EFCAB6: variants seen among roughly 807,000 people sequenced by gnomAD.
The protein encoded by EFCAB6 is EF-hand calcium binding domain 6.
In EFCAB6, 156 loss-of-function variants were observed where a neutral mutation model predicts 169.8. The observed-to-expected ratio is 0.92, with a 90% CI of 0.81 to 1.05. The LOEUF is 1.05. Among genes scored for constraint, EFCAB6 ranks in the 50% least tolerant of loss-of-function variants. EFCAB6 has a pLI of 0.00. For synonymous variants in EFCAB6, 698 were observed against 676.4 expected (o/e 1.03, Z -0.50); for missense variants, 1,800 against 1,829.1 (o/e 0.98, Z 0.29).
chr22:43,555,673 A>G (rs978071672), intron 26 of EFCAB6, among the ~76,000 whole-genome samples: 2 of 152,200 alleles, frequency 1.3e-5, no homozygotes, highest in Non-Finnish European at 2.9e-5. Flanking sequence ...GGCATCTGCT[A>G]AGGGTGACCT....
intron 23 of EFCAB6, among the ~76,000 whole-genome samples, chr22:43,598,068 T>G (rs2052159157): frequency 6.6e-6 from 1 of 152,074 alleles, no homozygotes; most frequent in African/African-American, 2.4e-5. Flanking sequence ...GACCAGCCCT[T>G]TAGGAGGCTG....
intron 8 of EFCAB6, among the ~76,000 whole-genome samples, chr22:43,721,121 G>A (rs1166138818): frequency 6.6e-6 from 1 of 151,974 alleles, no homozygotes; most frequent in Non-Finnish European, 1.5e-5. Flanking sequence ...ACAATCCCAC[G>A]TGCAATAGCC....
rs190408734 is a variant in EFCAB6 at position 43,587,616 on chromosome 22, T to A, written c.3032+2458A>T. On this transcript the variant is annotated intron_variant, in intron 24 of 31. Coordinates refer to ENST00000262726, the MANE Select transcript of EFCAB6 (RefSeq NM_022785.4). ...TGTGTCAAATCTCCCTCTGCCTCCCTCTTATAAGGACACCTGTGATGGCAT... is the reference window on the plus strand; with the variant it reads ...TGTGTCAAATCTCCCTCTGCCTCCCACTTATAAGGACACCTGTGATGGCAT... Among the ~76,000 whole-genome samples, 183 of 151,954 alleles carry A rather than the reference T, an allele frequency of 1.2e-3. 1 individual carries two copies. Among genetic ancestry groups the A allele is most frequent in the Non-Finnish European group, 2.2e-3 (150 of 68,036 alleles).
intron 3 of EFCAB6, among the ~76,000 whole-genome samples, 192 bp from the exon 4 acceptor site, chr22:43,773,295 T>G (rs1187484725): frequency 2.0e-5 from 3 of 152,100 alleles, no homozygotes; most frequent in Admixed American, 2.0e-4. Context: ...CTCTGAAATT[T>G]GGTCAATATA....
At chr22:43,804,349 T>C (rs553486519) in intron 2 of EFCAB6, among the ~76,000 whole-genome samples, 188 of 152,102 alleles carry the variant, frequency 1.2e-3, no homozygotes, top group African/African-American at 4.3e-3. Flanking sequence ...TTTATAATAA[T>C]AAATGCCTAT....
chr22:43,766,517 C>T (rs2061331296), intron 4 of EFCAB6, among the ~76,000 whole-genome samples: 1 of 152,042 alleles, frequency 6.6e-6, no homozygotes, highest in Admixed American at 6.6e-5. Context: ...TTGTACTTTT[C>T]TTATTCTTGC....
intron 5 of EFCAB6, among the ~76,000 whole-genome samples, chr22:43,763,977 G>T (rs2061246850): frequency 6.6e-6 from 1 of 151,468 alleles, no homozygotes; most frequent in Non-Finnish European, 1.5e-5. Flanking sequence ...CGTCCAGGCT[G>T]GTCTCAAACT....
At chr22:43,753,275 A>T (rs1276727801) in intron 6 of EFCAB6, among the ~76,000 whole-genome samples, 1 of 152,214 alleles carries the variant, frequency 6.6e-6, no homozygotes, top group African/African-American at 2.4e-5. Flanking sequence ...GAGGAGCCAC[A>T]TGAAAGCAGA....
At chr22:43,604,407 T>C (rs548068558) in intron 22 of EFCAB6, among the ~76,000 whole-genome samples, 1 of 152,316 alleles carries the variant, frequency 6.6e-6, no homozygotes, top group South Asian at 2.1e-4. Context: ...ATGCCAGACA[T>C]GAGAACCACA....
chr22:43,563,370 C>A (rs184986874), intron 26 of EFCAB6, among the ~76,000 whole-genome samples: 16 of 152,324 alleles, frequency 1.1e-4, no homozygotes, highest in African/African-American at 3.8e-4. Context: ...GAGCTTGAGA[C>A]CAGCCTGGGC....
chr22:43,651,692 G>A (rs1280487660), intron 17 of EFCAB6, among the ~76,000 whole-genome samples: 4 of 152,254 alleles, frequency 2.6e-5, no homozygotes, highest in Admixed American at 2.0e-4. Context: ...AGCCGGGAGG[G>A]AGGCTGTACC....
intron 17 of EFCAB6, among the ~76,000 whole-genome samples, chr22:43,661,850 G>A (rs774258767): frequency 6.6e-6 from 1 of 152,044 alleles, no homozygotes; most frequent in Admixed American, 6.5e-5. Flanking sequence ...TGGGCGTGGC[G>A]GCATGCCTGT....
chr22:43,610,912 G>C lies in EFCAB6; in HGVS notation c.2563-2312C>G, dbSNP rs2053253802. On this transcript the variant is annotated intron_variant, in intron 21 of 31. Coordinates refer to ENST00000262726, the MANE Select transcript of EFCAB6 (RefSeq NM_022785.4). ...AATCATAAGACAAGTGAAGTTACAG[G>C]CCAAATCACTGTCCCCAAAACTGGA... Among the ~76,000 whole-genome samples the C allele has an allele frequency of 2.0e-5, 3 of 152,118 alleles. No individual in the cohort carries two copies. The South Asian group carries it at 6.2e-4, about 32-fold the overall frequency.
At chr22:43,730,247 G>GT (rs2147601925) in intron 8 of EFCAB6, among the ~76,000 whole-genome samples, 1 of 107,520 alleles carries the variant, frequency 9.3e-6, no homozygotes, top group African/African-American at 3.7e-5. Context: ...AGGATGGAAG[G>GT]AGGGAAGGAG....
At chr22:43,579,032 A>C (rs188241894) in intron 25 of EFCAB6, among the ~76,000 whole-genome samples, 2 of 149,804 alleles carry the variant, frequency 1.3e-5, no homozygotes, top group African/African-American at 5.0e-5. Context: ...ACATGCAGGC[A>C]TCATTCCCTA....
At chr22:43,585,206 A>G (rs2050979919) in intron 24 of EFCAB6, among the ~76,000 whole-genome samples, 1 of 152,092 alleles carries the variant, frequency 6.6e-6, no homozygotes, top group African/African-American at 2.4e-5. Flanking sequence ...AAGTGTTCTT[A>G]TGGAAAAAGT....
At chr22:43,637,047 G>C (rs1404704513) in intron 17 of EFCAB6, among the ~76,000 whole-genome samples, 1 of 152,166 alleles carries the variant, frequency 6.6e-6, no homozygotes, top group Non-Finnish European at 1.5e-5. Flanking sequence ...ATGGAGCCCT[G>C]GTGTCTTCCC....
At chr22:43,556,967 G>C (rs1215481680) in intron 26 of EFCAB6, among the ~76,000 whole-genome samples, 1 of 152,246 alleles carries the variant, frequency 6.6e-6, no homozygotes, top group East Asian at 1.9e-4. Context: ...CCTAAGGGAT[G>C]TTGGCATCAA....
Position 43,804,889 on chromosome 22 carries a change from A to G in EFCAB6, c.-8+4106T>C, listed in dbSNP as rs138859925. Among the ~76,000 whole-genome samples the G allele has an allele frequency of 9.4e-3, 1,435 of 152,326 alleles. 24 individuals are homozygous for G. Among genetic ancestry groups the G allele is most frequent in the African/African-American group, 0.033 (1,385 of 41,580 alleles). On this transcript the variant is annotated intron_variant, in intron 2 of 31. Transcript: ENST00000262726. ...AACAAACCTTTGGTTAGACTAAGAA[A>G]AAAAGAGAGAAGACCCAAGTTGGAA...
Sources: allele counts gnomAD v4.1 joint callset (sites outside exome capture counted in the v4.1 genomes callset), GRCh38; gene constraint gnomAD v4.1.1; transcripts MANE v1.5; gene names NCBI Gene and HGNC (gene_info 2026-07-23, HGNC 2026-07-21).